The following MYRIP variants were observed in gnomAD, a reference collection of about 807,000 sequenced individuals.
MYRIP encodes myosin VIIA and Rab interacting protein.
A neutral mutation model predicts 98.0 loss-of-function variants in MYRIP; 49 were observed. The ratio of observed to expected loss-of-function variants is 0.50; its 90% confidence interval spans 0.40 to 0.63. The LOEUF is 0.63. Among genes scored for constraint, MYRIP ranks in the 30% least tolerant of loss-of-function variants. The pLI is 0.00. For synonymous variants in MYRIP, 404 were observed against 409.5 expected, an observed-to-expected ratio of 0.99 and a Z score of 0.16; for missense variants, 1,004 against 1,058.2, an observed-to-expected ratio of 0.95 and a Z score of 0.71.
At chr3:40,209,799 A>G in intron 10 of MYRIP, 55 bp from the exon 11 acceptor site, 1 of 1,601,916 alleles carries the variant, frequency 6.2e-7, no homozygotes, top group Non-Finnish European at 8.5e-7. Context: ...GGGAACAAGA[A>G]GCAACATGGC....
chr3:40,086,709 A>G (rs1433581387), intron 3 of MYRIP, among the ~76,000 whole-genome samples: 1 of 152,176 alleles, frequency 6.6e-6, no homozygotes, highest in East Asian at 1.9e-4. Context: ...TCCACTATGC[A>G]TCAGAGATAA....
At chr3:39,948,292 A>T (rs1377399691) in intron 2 of MYRIP, among the ~76,000 whole-genome samples, 1 of 152,144 alleles carries the variant, frequency 6.6e-6, no homozygotes, top group Non-Finnish European at 1.5e-5. Flanking sequence ...TTAAAGAGAA[A>T]GTTTTTATCA....
intron 3 of MYRIP, among the ~76,000 whole-genome samples, chr3:40,064,772 A>C (rs949884315): frequency 1.3e-5 from 2 of 152,160 alleles, no homozygotes; most frequent in Non-Finnish European, 2.9e-5. Context: ...AAAAAGTGAT[A>C]AAATGAGCTT....
intron 1 of MYRIP, among the ~76,000 whole-genome samples, chr3:39,811,443 A>ACAG (rs772173047): frequency 1.8e-4 from 27 of 152,192 alleles, no homozygotes; most frequent in Non-Finnish European, 3.1e-4. Flanking sequence ...AAAAAATTTT[A>ACAG]CAGCAATATC....
chr3:39,998,533 A>G (rs1425844943), intron 2 of MYRIP, among the ~76,000 whole-genome samples: 1 of 152,242 alleles, frequency 6.6e-6, no homozygotes, highest in African/African-American at 2.4e-5. Flanking sequence ...AAAGGAGGAT[A>G]CAAACAAATG....
intron 9 of MYRIP, among the ~76,000 whole-genome samples, chr3:40,187,327 G>A (rs1429972612): frequency 1.3e-5 from 2 of 152,206 alleles, no homozygotes; most frequent in South Asian, 2.1e-4. Flanking sequence ...TCACCCGCTA[G>A]TAAATTCAGT....
In MYRIP at chr3:40,260,274, A is replaced by AATT. The variant is rs1953724845; in HGVS notation, c.*2110_*2112dup. Reference sequence around the variant, plus strand: ...TTCATGTTATATGCACATTGCCAAGAATTACTGTCAAGAGAAATGATAAGT... The same window carrying AATT: ...TTCATGTTATATGCACATTGCCAAGAATTATTACTGTCAAGAGAAATGATAAGT... On this transcript the variant is annotated 3_prime_UTR_variant, in exon 17 of 17. Transcript: ENST00000302541. 1 of 152,234 alleles carries AATT rather than the reference A, an allele frequency of 6.6e-6. No homozygotes were observed. Among genetic ancestry groups the AATT allele is most frequent in the Non-Finnish European group, 1.5e-5 (1 of 68,040 alleles). The allele number at this position is 152,234 out of a possible 1,614,324, so 9.4% of individuals were successfully genotyped here.
rs1366469842 is a variant in MYRIP, at chr3:40,093,212, G to T, written c.332+48941G>T. Among the ~76,000 whole-genome samples the T allele has an allele frequency of 2.0e-5, 3 of 152,350 alleles. No individual in the cohort carries two copies. In the South Asian group the frequency reaches 6.2e-4, roughly 32 times the overall value. ...TACAGAAGCAGTTCAGTGTCATCGG[G>T]CTAGACAAGATATCCACCTTATGTA... On this transcript the variant is annotated intron_variant, in intron 3 of 16. Transcript: ENST00000302541.
intron 3 of MYRIP, among the ~76,000 whole-genome samples, chr3:40,081,615 G>C (rs1205200481): frequency 6.6e-6 from 1 of 152,094 alleles, no homozygotes; most frequent in Non-Finnish European, 1.5e-5. Flanking sequence ...TATGACATAT[G>C]TATACAATGT....
chr3:40,258,135 A>AGCCT lies in MYRIP; in HGVS notation c.2552_2555dup (p.Leu853CysfsTer42). On this transcript the variant is annotated frameshift_variant and splice_region_variant, in exon 17 of 17. Coordinates refer to ENST00000302541, the MANE Select transcript of MYRIP (RefSeq NM_015460.4). LOFTEE classifies it high-confidence loss of function. ...AGTGTGTTCAATGTCTCACCTCAGG[A>AGCCT]GCCTGCTCTGGAGTCAGCTGTGATG... The AGCCT allele has an allele frequency of 6.2e-7, 1 of 1,614,162 alleles. No individual in the cohort carries two copies. The highest frequency in any genetic ancestry group is 1.3e-5 in the African/African-American group (1 of 75,052).
At chr3:39,917,980 G>A (rs1944205758) in intron 2 of MYRIP, among the ~76,000 whole-genome samples, 1 of 150,286 alleles carries the variant, frequency 6.7e-6, no homozygotes, top group South Asian at 2.1e-4. Context: ...AGGCTGGAGT[G>A]CAGTGGCGCG....
At chr3:40,226,277 G>T (rs1415395492) in intron 11 of MYRIP, among the ~76,000 whole-genome samples, 1 of 152,052 alleles carries the variant, frequency 6.6e-6, no homozygotes, top group African/African-American at 2.4e-5. Context: ...CTTCTCTCCT[G>T]GTATTTAAAT....
At chr3:40,031,246 A>G (rs1019877773) in intron 2 of MYRIP, among the ~76,000 whole-genome samples, 1 of 152,030 alleles carries the variant, frequency 6.6e-6, no homozygotes, top group East Asian at 1.9e-4. Flanking sequence ...TCCCATATAT[A>G]ATGGTACTAG....
chr3:40,044,085 A>C lies in MYRIP; in HGVS notation c.146A>C (p.Lys49Thr), dbSNP rs1366342334. The change falls in exon 3 of 17, where the codon AAG becomes ACG. Residue 49 changes from lysine (K) to threonine (T), a missense_variant. Transcript: ENST00000302541. ...CAGAAGCTGGATGAGGAAGGCAGCA[A>C]GTGCAGCATCCTCTCGAAGCACCAG... is the stretch of plus-strand genomic sequence containing the variant. ...LKQKLDEEGS[K>T]CSILSKHQQF... The C allele has an allele frequency of 6.2e-7, 1 of 1,613,964 alleles. No homozygotes were observed. The highest frequency in any genetic ancestry group is 8.5e-7 in the Non-Finnish European group (1 of 1,179,994).
At chr3:39,958,079 A>C (rs1945216201) in intron 2 of MYRIP, among the ~76,000 whole-genome samples, 2 of 152,248 alleles carry the variant, frequency 1.3e-5, no homozygotes, top group South Asian at 4.1e-4. Context: ...AAGAAGAATC[A>C]ATATCATGAA....
At chr3:39,837,954 A>G (rs1032489247) in intron 1 of MYRIP, among the ~76,000 whole-genome samples, 2 of 152,114 alleles carry the variant, frequency 1.3e-5, no homozygotes, top group African/African-American at 4.8e-5. Flanking sequence ...TTGTATTCCT[A>G]GGTATTTTAT....
In MYRIP at chr3:39,944,306, A is replaced by G. The variant is rs1944852400; in HGVS notation, c.110+43380A>G. 2.0e-5 allele frequency among the ~76,000 whole-genome samples: 3 copies of G among 152,312 alleles called. No individual in the cohort carries two copies. The South Asian group carries it at 6.2e-4, about 32-fold the overall frequency. ...TGTAACATTGTTTAAAATATACACC[A>G]ATACAATATTAGGAAAACATACTAT... On this transcript the variant is annotated intron_variant, in intron 2 of 16. Coordinates refer to ENST00000302541, the MANE Select transcript of MYRIP (RefSeq NM_015460.4).
intron 3 of MYRIP, among the ~76,000 whole-genome samples, chr3:40,114,959 T>C (rs1164500199): frequency 6.6e-6 from 1 of 152,208 alleles, no homozygotes; most frequent in Non-Finnish European, 1.5e-5. Context: ...AACAAAATAT[T>C]AGGAAACTCT....
At chr3:39,960,706 T>C (rs1476396468) in intron 2 of MYRIP, among the ~76,000 whole-genome samples, 2 of 152,178 alleles carry the variant, frequency 1.3e-5, no homozygotes, top group African/African-American at 4.8e-5. Flanking sequence ...CTTTAAAGAA[T>C]TGACATTTTG....
Sources: gnomAD v4.1 joint callset for allele counts (sites outside exome capture counted in the v4.1 genomes callset) on GRCh38, gnomAD v4.1.1 for gene constraint, MANE v1.5 for transcripts, NCBI Gene and HGNC (gene_info 2026-07-23, HGNC 2026-07-21) for gene names.